Variants in PTGER3 observed in about 807,000 individuals in gnomAD.
The protein encoded by PTGER3 is prostaglandin E receptor 3.
PTGER3 carries 22 observed loss-of-function variants against 34.7 expected under a neutral mutation model. The observed-to-expected ratio is 0.63, with a 90% CI of 0.45 to 0.91. The LOEUF is 0.91. Among genes scored for constraint, PTGER3 ranks in the 40% least tolerant of loss-of-function variants. The pLI, the probability that PTGER3 is intolerant of heterozygous loss-of-function variation, is 0.00. For synonymous variants in PTGER3, 241 were observed against 230.1 expected, an observed-to-expected ratio of 1.05 and a Z score of -0.43; for missense variants, 468 against 519.4, an observed-to-expected ratio of 0.90 and a Z score of 0.96.
chr1:70,970,901 T>G lies in PTGER3; in HGVS notation c.*829A>C, dbSNP rs554287500. 3.2e-5 allele frequency: 32 copies of G among 985,036 alleles called. 1 individual carries two copies. The African/African-American group carries it at 4.7e-4, about 14-fold the overall frequency. 61.0% of individuals were successfully genotyped at this position (985,036 alleles called of 1,614,324 possible). ...GTTATTTATTAATTTTGCCTTTGTA[T>G]ATGCTGCCAGAAAAGAAATATTAAG... On this transcript the variant is annotated 3_prime_UTR_variant, in exon 4 of 4. Coordinates refer to ENST00000306666, the MANE Select transcript of PTGER3 (RefSeq NM_198719.2).
rs34512995 is a variant in PTGER3 at position 71,029,016 on chromosome 1, T to C, written c.898-16532A>G. On this transcript the variant is annotated intron_variant, in intron 1 of 3. Transcript: ENST00000306666. ...CATCTGTGGCCTTAAAGCAAGTTGC[T>C]TACTCAACAAGTGAAAAAGTAAAAT... Among the ~76,000 whole-genome samples the C allele has an allele frequency of 6.6e-4, 100 of 152,292 alleles. 3 individuals carry two copies. The East Asian group carries it at 0.018, about 28-fold the overall frequency.
chr1:71,007,078 C>A, intron 2 of PTGER3: 1 of 984,844 alleles, frequency 1.0e-6, no homozygotes, highest in Non-Finnish European at 1.2e-6. Flanking sequence ...TAAAACTTTA[C>A]ATAGAGGTGA....
intron 2 of PTGER3, among the ~76,000 whole-genome samples, chr1:70,997,806 T>C (rs545080843): frequency 6.6e-6 from 1 of 152,194 alleles, no homozygotes; most frequent in Non-Finnish European, 1.5e-5. Flanking sequence ...GACAAATCTT[T>C]GTCTTTTACA....
downstream of PTGER3, among the ~76,000 whole-genome samples, chr1:70,966,601 C>T (rs1220273704): frequency 6.6e-6 from 1 of 152,006 alleles, no homozygotes; most frequent in Non-Finnish European, 1.5e-5. Context: ...CCTCCCCTCA[C>T]CCCCGACCCC....
At chr1:70,941,861 C>T (rs1649789089) in intron 4 of PTGER3, among the ~76,000 whole-genome samples, 1 of 152,132 alleles carries the variant, frequency 6.6e-6, no homozygotes, top group Non-Finnish European at 1.5e-5. Flanking sequence ...CTCACAAATT[C>T]TTTCTTTATA....
chr1:70,984,012 T>C (rs1254358230), intron 2 of PTGER3, among the ~76,000 whole-genome samples: 1 of 152,096 alleles, frequency 6.6e-6, no homozygotes, highest in Admixed American at 6.6e-5. Flanking sequence ...ACCTTTGGGT[T>C]GAGTATAGAA....
At chr1:71,042,583 G>C (rs1247721356) in intron 1 of PTGER3, among the ~76,000 whole-genome samples, 1 of 152,028 alleles carries the variant, frequency 6.6e-6, no homozygotes, top group African/African-American at 2.4e-5. Flanking sequence ...GGATTCATAT[G>C]TTTAATCACT....
intron 4 of PTGER3, among the ~76,000 whole-genome samples, chr1:70,927,989 C>A (rs1648278626): frequency 6.6e-6 from 1 of 151,890 alleles, no homozygotes; most frequent in African/African-American, 2.4e-5. Flanking sequence ...AGATGGATAT[C>A]ATTTTTCATT....
rs556844635 is a variant in PTGER3 at position 71,040,210 on chromosome 1, G to A, written c.897+6471C>T. Among the ~76,000 whole-genome samples the A allele has an allele frequency of 6.6e-5, 10 of 151,912 alleles. No individual in the cohort carries two copies. The South Asian group carries it at 1.9e-3, about 28-fold the overall frequency. ...GGAAGGGAAAGGAAAGGAAAGGAAG[G>A]GAAGGGTTCATAAAGTTATCAAGTG... On this transcript the variant is annotated intron_variant, in intron 1 of 3. Transcript: ENST00000306666.
At chr1:70,885,409 C>A (rs1404147134) in intron 4 of PTGER3, among the ~76,000 whole-genome samples, 1 of 151,928 alleles carries the variant, frequency 6.6e-6, no homozygotes, top group Admixed American at 6.6e-5. Context: ...AAGAAAGATA[C>A]AAAGAATATA....
chr1:70,936,955 A>C (rs1352255604), intron 4 of PTGER3, among the ~76,000 whole-genome samples: 7 of 152,310 alleles, frequency 4.6e-5, no homozygotes, highest in Non-Finnish European at 1.0e-4. Context: ...GCAATATTTC[A>C]GTAGGAGGGG....
At chr1:70,902,324 C>A (rs150796010) in intron 4 of PTGER3, among the ~76,000 whole-genome samples, 1 of 152,296 alleles carries the variant, frequency 6.6e-6, no homozygotes, top group Non-Finnish European at 1.5e-5. Flanking sequence ...TTGTCAGGTG[C>A]CATGCAGTTC....
chr1:71,014,150 C>A (rs1657687121), intron 1 of PTGER3, among the ~76,000 whole-genome samples: 1 of 151,754 alleles, frequency 6.6e-6, no homozygotes, highest in African/African-American at 2.4e-5. Context: ...TTTTTGCTCA[C>A]AGTACATTTC....
At chr1:70,879,267 G>A (rs139185632) in intron 4 of PTGER3, among the ~76,000 whole-genome samples, 1 of 106,338 alleles carries the variant, frequency 9.4e-6, no homozygotes, top group African/African-American at 3.9e-5. Flanking sequence ...TTTGTTTTGA[G>A]ACAGAGTCTC....
chr1:71,032,201 G>C (rs1659469444), intron 1 of PTGER3, among the ~76,000 whole-genome samples: 1 of 152,134 alleles, frequency 6.6e-6, no homozygotes, highest in South Asian at 2.1e-4. Flanking sequence ...TGTTAATGGA[G>C]TATTCGTGAG....
intron 4 of PTGER3, among the ~76,000 whole-genome samples, chr1:70,877,235 CT>C (rs1263040899): frequency 6.6e-6 from 1 of 152,064 alleles, no homozygotes; most frequent in East Asian, 1.9e-4. Flanking sequence ...GGATTGCATT[CT>C]TGATTTGGCT....
At position 70,907,584 on chromosome 1, in the gene PTGER3, C is replaced by T. The variant is rs145308501; in HGVS notation, c.*23+46179G>A. Among the ~76,000 whole-genome samples, 14 of 152,310 alleles carry T rather than the reference C, an allele frequency of 9.2e-5. No individual in the cohort carries two copies. In the East Asian group the frequency reaches 2.7e-3, roughly 29 times the overall value. On this transcript the variant is annotated intron_variant, in intron 4 of 4. Coordinates refer to the PTGER3 transcript ENST00000370931. ...CATGAGCTCTTTACTGTCAGATCTT[C>T]CAAGTCAGTAGTTTGGGCAGGCACA...
At position 70,917,127 on chromosome 1, in the gene PTGER3, A is replaced by T. The variant is rs368038733; in HGVS notation, c.*23+36636T>A. On this transcript the variant is annotated intron_variant, in intron 4 of 4. Transcript: ENST00000370931. Reference sequence around the variant, plus strand: ...ACTGTGTAATAGAACACCAAAACTTATTCTTCCTGTCTAATTGTAACTTTG... The same window carrying T: ...ACTGTGTAATAGAACACCAAAACTTTTTCTTCCTGTCTAATTGTAACTTTG... Among the ~76,000 whole-genome samples, 23 of 151,936 alleles carry T rather than the reference A, an allele frequency of 1.5e-4. 1 individual carries two copies. The East Asian group carries it at 1.9e-3, about 13-fold the overall frequency.
chr1:70,972,681 A>G (rs1052732413), intron 3 of PTGER3, among the ~76,000 whole-genome samples: 1 of 152,148 alleles, frequency 6.6e-6, no homozygotes, highest in African/African-American at 2.4e-5. Context: ...AACCTATTAC[A>G]TAAATATTAA....
Sources: gnomAD v4.1 joint callset for allele counts (sites outside exome capture counted in the v4.1 genomes callset) on GRCh38, gnomAD v4.1.1 for gene constraint, MANE v1.5 for transcripts, NCBI Gene and HGNC (gene_info 2026-07-23, HGNC 2026-07-21) for gene names.